Variants in AGMO observed in about 807,000 individuals in gnomAD.
AGMO encodes the protein glyceryl-ether monooxygenase.
A neutral mutation model predicts 60.2 loss-of-function variants in AGMO; 75 were observed. The ratio of observed to expected loss-of-function variants is 1.25; its 90% CI spans 1.03 to 1.51. AGMO has a LOEUF of 1.51. Among genes scored for constraint, AGMO ranks in the 40% most tolerant of loss-of-function variants. The pLI is 0.00. For synonymous variants in AGMO, 261 were observed against 177.1 expected, an observed-to-expected ratio of 1.47 and a Z score of -3.76; for missense variants, 763 against 525.5, an observed-to-expected ratio of 1.45 and a Z score of -4.42.
chr7:15,381,048 A>T lies in AGMO; in HGVS notation c.1074+4398T>A, dbSNP rs138370682. Among the ~76,000 whole-genome samples the T allele has an allele frequency of 3.5e-3, 537 of 152,322 alleles. 5 individuals are homozygous for T. The highest frequency in any genetic ancestry group is 0.01 in the Middle Eastern group (3 of 294). ...AAAACTCAGCATAGATTAAAGACTT[A>T]AATGTGAAACCTAAAACTATAAAAA... On this transcript the variant is annotated intron_variant, in intron 10 of 12. Coordinates refer to ENST00000342526, the MANE Select transcript of AGMO (RefSeq NM_001004320.2).
chr7:15,207,438 T>C (rs1781467806), intron 12 of AGMO, among the ~76,000 whole-genome samples: 1 of 152,232 alleles, frequency 6.6e-6, no homozygotes, highest in Non-Finnish European at 1.5e-5. Flanking sequence ...GATTTTTAAA[T>C]TGTCTTTGAA....
chr7:15,496,428 C>G (rs887510639), intron 3 of AGMO, among the ~76,000 whole-genome samples: 2 of 151,996 alleles, frequency 1.3e-5, no homozygotes, highest in African/African-American at 4.8e-5. Flanking sequence ...TGCTTAATAT[C>G]TATTATAAAA....
intron 12 of AGMO, 135 bp downstream of exon 12, chr7:15,365,379 G>GAAAAAAAAAAAAAAAAAAAA (rs1782929826): frequency 4.6e-6 from 1 of 217,792 alleles, no homozygotes; most frequent in African/African-American, 2.4e-4. Flanking sequence ...GTACTGGTAA[G>GAAAAAAAAAAAAAAAAAAAA]TAAAAAAAAA....
chr7:15,321,128 G>T (rs561527098), intron 12 of AGMO, among the ~76,000 whole-genome samples: 30 of 152,166 alleles, frequency 2.0e-4, no homozygotes, highest in Admixed American at 1.4e-3. Context: ...TGTTGCTATT[G>T]TAATTCTTAA....
chr7:15,186,000 G>A, the AGMO span, among the ~76,000 whole-genome samples: 5 of 152,148 alleles, frequency 3.3e-5, no homozygotes, highest in Non-Finnish European at 7.4e-5. Flanking sequence ...AAGATGTCTA[G>A]TTACAAGTGC....
intron 12 of AGMO, among the ~76,000 whole-genome samples, chr7:15,269,354 A>G (rs1443993510): frequency 1.3e-5 from 2 of 152,076 alleles, no homozygotes; most frequent in Admixed American, 6.6e-5. Context: ...ATGTGTTGTA[A>G]TATAGACTCT....
At chr7:15,329,371 C>G (rs1413845239) in intron 12 of AGMO, among the ~76,000 whole-genome samples, 2 of 152,144 alleles carry the variant, frequency 1.3e-5, no homozygotes, top group Admixed American at 6.5e-5. Flanking sequence ...TGATGAGGAG[C>G]ACCAATTTAA....
chr7:15,274,146 C>T (rs568803561), intron 12 of AGMO, among the ~76,000 whole-genome samples: 59 of 152,270 alleles, frequency 3.9e-4, no homozygotes, highest in African/African-American at 1.3e-3. Flanking sequence ...CTGGCCAGAA[C>T]TTCCAACACT....
intron 9 of AGMO, among the ~76,000 whole-genome samples, chr7:15,386,631 G>A (rs548862755): frequency 2.9e-4 from 44 of 152,238 alleles, no homozygotes; most frequent in African/African-American, 7.2e-4. Context: ...CAAAATAACA[G>A]TATTTAAATA....
chr7:15,165,953 A>G, the AGMO span, among the ~76,000 whole-genome samples: 1 of 152,188 alleles, frequency 6.6e-6, no homozygotes, highest in Non-Finnish European at 1.5e-5. Flanking sequence ...AGGTATGTAT[A>G]TAAATATGTA....
At chr7:15,366,054 T>C (rs1782963749) in intron 11 of AGMO, 86 bp downstream of exon 11, 2 of 939,936 alleles carry the variant, frequency 2.1e-6, no homozygotes. Context: ...CTACACTAGT[T>C]ACATAATATA....
At chr7:15,246,990 G>T (rs1000624993) in intron 12 of AGMO, among the ~76,000 whole-genome samples, 1 of 152,008 alleles carries the variant, frequency 6.6e-6, no homozygotes, top group East Asian at 1.9e-4. Context: ...ACTTTCTGTA[G>T]AGACATGGTT....
At chr7:15,405,304 G>A (rs991886573) in intron 5 of AGMO, among the ~76,000 whole-genome samples, 3 of 151,786 alleles carry the variant, frequency 2.0e-5, no homozygotes, top group African/African-American at 7.2e-5. Context: ...GGTGATCTAA[G>A]TTTTATACAC....
chr7:15,250,929 G>C (rs1464754026), intron 12 of AGMO, among the ~76,000 whole-genome samples: 2 of 150,466 alleles, frequency 1.3e-5, no homozygotes, highest in East Asian at 1.9e-4. Context: ...TAGGCAATAA[G>C]AGCAAAACTC....
chr7:15,170,024 A>G, the AGMO span, among the ~76,000 whole-genome samples: 1 of 152,228 alleles, frequency 6.6e-6, no homozygotes, highest in Non-Finnish European at 1.5e-5. Flanking sequence ...GGATGGGTAC[A>G]GTTACCTGAG....
chr7:15,179,774 C>A, the AGMO span, among the ~76,000 whole-genome samples: 1 of 152,182 alleles, frequency 6.6e-6, no homozygotes, highest in Non-Finnish European at 1.5e-5. Context: ...CATTTGAAAT[C>A]CAGGTGGAGG....
chr7:15,366,425 G>C (rs978565807), intron 10 of AGMO, among the ~76,000 whole-genome samples: 2 of 152,072 alleles, frequency 1.3e-5, no homozygotes, highest in African/African-American at 4.8e-5. Context: ...TGGAGAATTA[G>C]ACAATTCCAT....
At chr7:15,198,239 G>GAGAGAGAGAGAGAC, downstream of AGMO, among the ~76,000 whole-genome samples, 1 of 108,894 alleles carries the variant, frequency 9.2e-6, no homozygotes, top group Admixed American at 1.0e-4. Flanking sequence ...GAGAGAGAGA[G>GAGAGAGAGAGAGAC]AGAGAGAGAG....
At chr7:15,418,250 T>C (rs1236277513) in intron 5 of AGMO, among the ~76,000 whole-genome samples, 1 of 152,176 alleles carries the variant, frequency 6.6e-6, no homozygotes, top group Admixed American at 6.5e-5. Flanking sequence ...AATTTCAACA[T>C]CTCTTGGTAA....
Sources: gnomAD v4.1 joint callset for allele counts (sites outside exome capture counted in the v4.1 genomes callset) on GRCh38, gnomAD v4.1.1 for gene constraint, MANE v1.5 for transcripts, NCBI Gene and HGNC (gene_info 2026-07-23, HGNC 2026-07-21) for gene names.